Variants in CCDC88A observed in about 807,000 individuals in gnomAD.
The protein encoded by CCDC88A is girdin.
In CCDC88A, 54 loss-of-function variants were observed where a neutral mutation model predicts 234.3. The ratio of observed to expected loss-of-function variants is 0.23; its 90% CI spans 0.19 to 0.29. The LOEUF is 0.29. Ranked by LOEUF, CCDC88A falls within the 10% of genes least tolerant of loss-of-function variation. CCDC88A has a pLI of 1.00. For missense variants in CCDC88A, 1,832 were observed against 2,123.4 expected (o/e 0.86, Z 2.70); for synonymous variants, 753 against 737.8 (o/e 1.02, Z -0.33).
intron 2 of CCDC88A, among the ~76,000 whole-genome samples, chr2:55,413,555 T>C (rs577041465): frequency 6.6e-6 from 1 of 152,222 alleles, no homozygotes; most frequent in Non-Finnish European, 1.5e-5. Context: ...CACATGGCTG[T>C]ATTATTCAAT....
Position 55,419,098 on chromosome 2 carries a change from G to C in CCDC88A, c.-19C>G, listed in dbSNP as rs187772490. ...TCTCCATTTTACAGAGTATGTATTT[G>C]AAAAAAGGAACTACCACAAAAATAC... On this transcript the variant is annotated 5_prime_UTR_variant, in exon 1 of 33. Transcript: ENST00000436346. 1.0e-4 allele frequency: 154 copies of C among 1,531,148 alleles called. No individual in the cohort carries two copies. Among genetic ancestry groups the C allele is most frequent in the Admixed American group, 7.9e-4 (46 of 58,580 alleles). 94.8% of individuals were successfully genotyped at this position (1,531,148 alleles called of 1,614,324 possible).
At chr2:55,406,872 T>G (rs929988406) in intron 2 of CCDC88A, among the ~76,000 whole-genome samples, 1 of 152,186 alleles carries the variant, frequency 6.6e-6, no homozygotes, top group Non-Finnish European at 1.5e-5. Context: ...TCGATGATAA[T>G]GTGAAGTTCA....
At chr2:55,418,763 C>A (rs1681871927) in intron 2 of CCDC88A, 53 bp downstream of exon 2, 10 of 1,378,278 alleles carry the variant, frequency 7.3e-6, no homozygotes, top group African/African-American at 1.4e-5. Context: ...TCAAAGTTCA[C>A]CATATGCTAT....
In CCDC88A at chr2:55,372,503, G is replaced by A. The variant is rs1672993188; in HGVS notation, c.351C>T (p.Gly117=). ...AAAGCAGTTTTTTAACTTCTTCTGTGCCTTGTTCTAAAATAGAAACAATTA... is the reference window on the plus strand; with the variant it reads ...AAAGCAGTTTTTTAACTTCTTCTGTACCTTGTTCTAAAATAGAAACAATTA... The part of the protein sequence containing the change: ...IIGKNPFSEQ[G]TEEVKKLLLL... Residue 117 remains glycine, a synonymous_variant, in exon 5 of 33, where the codon GGC becomes GGT. Transcript: ENST00000436346. The A allele has an allele frequency of 6.7e-7, 1 of 1,485,710 alleles. No individual in the cohort carries two copies. The highest frequency in any genetic ancestry group is 9.4e-7 in the Non-Finnish European group (1 of 1,068,848). 92.0% of individuals were successfully genotyped at this position (1,485,710 alleles called of 1,614,324 possible).
At chr2:55,392,529 G>T (rs973969208) in intron 2 of CCDC88A, among the ~76,000 whole-genome samples, 2 of 152,042 alleles carry the variant, frequency 1.3e-5, no homozygotes, top group African/African-American at 2.4e-5. Flanking sequence ...TCTCCAGGAA[G>T]GCCTTTTATT....
At chr2:55,343,327 C>T (rs113955475) in intron 12 of CCDC88A, among the ~76,000 whole-genome samples, 30 of 152,072 alleles carry the variant, frequency 2.0e-4, no homozygotes, top group Non-Finnish European at 2.1e-4. Context: ...TACGACTTTT[C>T]TGTTCTATTT....
Position 55,296,413 on chromosome 2 carries a change from A to C in CCDC88A, c.4936T>G (p.Leu1646Val). 1 of 1,614,174 alleles carries C rather than the reference A, an allele frequency of 6.2e-7. No homozygotes were observed. Among genetic ancestry groups the C allele is most frequent in the Non-Finnish European group, 8.5e-7 (1 of 1,180,032 alleles). The change falls in exon 30 of 33, where the codon TTG (leucine) becomes GTG (valine). Residue 1646 changes from leucine to valine, a missense_variant. Transcript: ENST00000436346. Reference sequence around the variant, plus strand: ...GGGCTTGATCTGGTCTGTCTTTTCAAGTACTGGATTGGACTGCTACCACTG... The same window carrying C: ...GGGCTTGATCTGGTCTGTCTTTTCACGTACTGGATTGGACTGCTACCACTG... ...SSSGSSPIQYLKRQTRSSPVL... is the reference protein window; with the variant it reads ...SSSGSSPIQYVKRQTRSSPVL...
At chr2:55,331,627 T>C (rs2917777) in intron 16 of CCDC88A, among the ~76,000 whole-genome samples, 11,983 of 151,384 alleles carry the variant, frequency 0.079, 711 homozygotes, top group East Asian at 0.31. Context: ...GCTGGATTCA[T>C]GGAGCTGACT....
At chr2:55,296,105 T>C in intron 30 of CCDC88A, 49 bp from the exon 31 acceptor site, 20 of 1,435,250 alleles carry the variant, frequency 1.4e-5, no homozygotes, top group Non-Finnish European at 1.9e-5. Flanking sequence ...GTGCCATGTT[T>C]TTACTTTCCT....
intron 12 of CCDC88A, among the ~76,000 whole-genome samples, chr2:55,341,659 G>T (rs187621273): frequency 6.6e-6 from 1 of 151,404 alleles, no homozygotes; most frequent in African/African-American, 2.4e-5. Flanking sequence ...TGGTCAGGCT[G>T]GTCTTGAACT....
At chr2:55,312,291 T>G (rs1010809470) in intron 23 of CCDC88A, 143 bp downstream of exon 23, 1 of 639,348 alleles carries the variant, frequency 1.6e-6, no homozygotes, top group African/African-American at 1.8e-5. Flanking sequence ...TTCTGATTAT[T>G]AGAATAGTGC....
At chr2:55,351,879 T>C (rs1254513790) in intron 8 of CCDC88A, among the ~76,000 whole-genome samples, 1 of 152,152 alleles carries the variant, frequency 6.6e-6, no homozygotes, top group Non-Finnish European at 1.5e-5. Context: ...CAGTGGAATA[T>C]TACTCAACTC....
intron 31 of CCDC88A, chr2:55,292,256 A>C (rs890056416): frequency 1.3e-5 from 2 of 152,300 alleles, no homozygotes; most frequent in Non-Finnish European, 2.9e-5. Context: ...TAATTTCTAG[A>C]AAGCTAGGCC....
Position 55,384,571 on chromosome 2 carries a change from G to A in CCDC88A, c.273+4207C>T, listed in dbSNP as rs1296412738. On this transcript the variant is annotated intron_variant, in intron 3 of 32. Coordinates refer to ENST00000436346, the MANE Select transcript of CCDC88A (RefSeq NM_001365480.1). The stretch of plus-strand genomic sequence containing the variant: ...TATGTGTATATATACACATATATAC[G>A]TATATATGTGTATATATACACATAT... 1.3e-4 allele frequency among the ~76,000 whole-genome samples: 11 copies of A among 87,512 alleles called. 4 individuals are homozygous for A. In the East Asian group the frequency reaches 2.2e-3, roughly 17 times the overall value. 57.4% of individuals were successfully genotyped at this position (87,512 alleles called of 152,430 possible).
rs1468914693 is a variant in CCDC88A, at chr2:55,301,995, C to T, written c.4549G>A (p.Asp1517Asn). The T allele has an allele frequency of 6.2e-7, 1 of 1,613,952 alleles. No homozygotes were observed. Among genetic ancestry groups the T allele is most frequent in the Non-Finnish European group, 8.5e-7 (1 of 1,179,932 alleles). Reference sequence around the variant, plus strand: ...TTTCTCCTTTTACCCGTTGAAATATCATCAGGAACCTCCAAATTCTCAGTA... The same window carrying T: ...TTTCTCCTTTTACCCGTTGAAATATTATCAGGAACCTCCAAATTCTCAGTA... Reference protein sequence around the residue: ...GSTENLEVPDDISTGKRRKEL... With the variant: ...GSTENLEVPDNISTGKRRKEL... Residue 1517 changes from aspartate to asparagine, a missense_variant, in exon 27 of 33, where the codon GAT (aspartate) becomes AAT (asparagine). By Grantham distance (23) the Asp-to-Asn change is conservative (BLOSUM62 1). This residue lies in a region of CCDC88A where 422 missense variants were observed against 416.5 expected (regional missense o/e 1.01). Coordinates refer to ENST00000436346, the MANE Select transcript of CCDC88A (RefSeq NM_001365480.1).
chr2:55,359,249 TAAGAACAGGAGAA>T (rs1363072601), intron 7 of CCDC88A, among the ~76,000 whole-genome samples: 6 of 151,964 alleles, frequency 3.9e-5, no homozygotes, highest in Non-Finnish European at 8.8e-5. Flanking sequence ...TTCACAAAAT[TAAGAACAGGAGAA>T]AATACAGAAG....
intron 2 of CCDC88A, among the ~76,000 whole-genome samples, chr2:55,397,641 G>A (rs556386269): frequency 2.0e-5 from 3 of 151,776 alleles, no homozygotes; most frequent in Admixed American, 6.6e-5. Context: ...TGCTATCTTT[G>A]TCCCTGACAG....
chr2:55,350,354 C>T (rs1418953296), intron 8 of CCDC88A: 1 of 152,076 alleles, frequency 6.6e-6, no homozygotes, highest in African/African-American at 2.4e-5. Flanking sequence ...ATCTTTACTT[C>T]GCTATTGGTT....
At chr2:55,339,357 TA>T in intron 13 of CCDC88A, 106 bp downstream of exon 13, 1 of 1,042,974 alleles carries the variant, frequency 9.6e-7, no homozygotes, top group South Asian at 1.7e-5. Flanking sequence ...CATAACAAGT[TA>T]AAATAACATT....
Sources: gnomAD v4.1 joint callset for allele counts (sites outside exome capture counted in the v4.1 genomes callset) on GRCh38, gnomAD v4.1.1 for gene constraint, gnomAD v4.1.1 regional missense constraint, MANE v1.5 for transcripts, NCBI Gene and HGNC (gene_info 2026-07-23, HGNC 2026-07-21) for gene names.